Variants in GDA observed in about 807,000 individuals in gnomAD.
The protein encoded by GDA is guanine deaminase.
In GDA, 18 loss-of-function variants were observed where a neutral mutation model predicts 59.6. The observed-to-expected ratio is 0.30, with a 90% CI of 0.21 to 0.45. GDA has a LOEUF of 0.45. GDA is among the 20% of genes least tolerant of loss of function. GDA has a pLI of 1.00. For synonymous variants in GDA, 201 were observed against 201.1 expected (o/e 1.00, Z 0.00); for missense variants, 427 against 552.3 (o/e 0.77, Z 2.27).
rs557420841 is a variant in GDA at position 72,213,132 on chromosome 9, G to C, written c.473-754G>C. Among the ~76,000 whole-genome samples, 61 of 152,242 alleles carry C rather than the reference G, an allele frequency of 4.0e-4. 1 individual carries two copies. The highest frequency in any genetic ancestry group is 1.3e-3 in the African/African-American group (53 of 41,510). The stretch of plus-strand genomic sequence containing the variant: ...AAAATACAAAAATTAGCTGGGCACA[G>C]TGGTGCGTGCCTGTAATCCAAGCTA... On this transcript the variant is annotated intron_variant, in intron 4 of 13. Coordinates refer to ENST00000358399, the MANE Select transcript of GDA (RefSeq NM_004293.5).
chr9:72,210,561 A>G (rs540838984), intron 3 of GDA, 126 bp from the exon 4 acceptor site: 40 of 625,192 alleles, frequency 6.4e-5, no homozygotes, highest in Non-Finnish European at 5.7e-6. Context: ...TGTACTCTAC[A>G]TCAAGATGGC....
chr9:72,183,620 C>G (rs1254980315), intron 1 of GDA, among the ~76,000 whole-genome samples: 1 of 152,170 alleles, frequency 6.6e-6, no homozygotes, highest in Non-Finnish European at 1.5e-5. Flanking sequence ...GATTTATTAC[C>G]TGCCAGATGC....
rs76384055 is a variant in GDA, at chr9:72,168,807, G to A, written c.123+19125G>A. Reference sequence around the variant, plus strand: ...TATTCTTTATCTCTATTTTTCAGATGAGGAAACTGTGTCACCAACAGTTTG... The same window carrying A: ...TATTCTTTATCTCTATTTTTCAGATAAGGAAACTGTGTCACCAACAGTTTG... On this transcript the variant is annotated intron_variant, in intron 1 of 13. Transcript: ENST00000358399. 1.9e-3 allele frequency among the ~76,000 whole-genome samples: 289 copies of A among 152,302 alleles called. 2 individuals carry two copies. The highest frequency in any genetic ancestry group is 6.6e-3 in the African/African-American group (276 of 41,552).
intron 10 of GDA, among the ~76,000 whole-genome samples, chr9:72,238,622 G>A (rs149228515): frequency 1.3e-5 from 2 of 152,262 alleles, no homozygotes; most frequent in East Asian, 3.9e-4. Flanking sequence ...TCTTTCCATT[G>A]TCCTCTGGCT....
At chr9:72,122,777 T>A (rs376627148) in intron 1 of GDA, among the ~76,000 whole-genome samples, 10 of 152,116 alleles carry the variant, frequency 6.6e-5, no homozygotes, top group African/African-American at 1.7e-4. Flanking sequence ...GCCTCCCCCA[T>A]GTCTTCAAGA....
chr9:72,136,741 C>T (rs144761228), intron 1 of GDA, among the ~76,000 whole-genome samples: 2,827 of 152,130 alleles, frequency 0.019, 45 homozygotes, highest in Non-Finnish European at 0.03. Flanking sequence ...TTTGGTAGGC[C>T]GAGGTGGGCG....
downstream of GDA, chr9:72,253,587 C>A (rs1840813888): frequency 6.6e-6 from 1 of 152,134 alleles, no homozygotes; most frequent in Admixed American, 6.6e-5. Context: ...TCTGTCTCAC[C>A]AGACTCATGC....
intron 11 of GDA, among the ~76,000 whole-genome samples, chr9:72,243,865 G>A (rs561753852): frequency 6.6e-6 from 1 of 152,254 alleles, no homozygotes; most frequent in East Asian, 1.9e-4. Context: ...GTGATAGAAT[G>A]CAACAAATAC....
At position 72,189,657 on chromosome 9, in the gene GDA, G is replaced by A. The variant is rs188485423; in HGVS notation, c.124-5843G>A. ...GGAGTTCGATACCAGCCTGGGCAAC[G>A]TGGTGAAACCCCTTCTCTACCAAAA... On this transcript the variant is annotated intron_variant, in intron 1 of 13. Transcript: ENST00000358399. Among the ~76,000 whole-genome samples, 1,265 of 152,154 alleles carry A rather than the reference G, an allele frequency of 8.3e-3. 53 individuals carry two copies. The highest frequency in any genetic ancestry group is 0.067 in the Admixed American group (1,022 of 15,272).
chr9:72,223,243 C>T lies in GDA; in HGVS notation c.714+16C>T, dbSNP rs1256619044. 18 of 1,333,774 alleles carry T rather than the reference C, an allele frequency of 1.3e-5. No individual in the cohort carries two copies. The highest frequency in any genetic ancestry group is 1.9e-5 in the Non-Finnish European group (18 of 924,552). 82.6% of individuals were successfully genotyped at this position (1,333,774 alleles called of 1,614,324 possible). A position where few individuals can be genotyped will look rare whatever the true frequency, so the allele number is the denominator to read the frequency against. On this transcript the variant is annotated intron_variant, in intron 7 of 13. Transcript: ENST00000358399. ...GCACATTCAGGTGGGTATTCTTCTT[C>T]TCTTTATGCCTCTATGCAGACCTGC...
intron 8 of GDA, among the ~76,000 whole-genome samples, chr9:72,226,488 A>C (rs908224745): frequency 2.0e-4 from 31 of 152,182 alleles, no homozygotes; most frequent in Admixed American, 2.6e-4. Flanking sequence ...ATACTCTGAG[A>C]GTGCTTTTAA....
At chr9:72,181,455 A>C (rs946324685) in intron 1 of GDA, among the ~76,000 whole-genome samples, 1 of 151,830 alleles carries the variant, frequency 6.6e-6, no homozygotes, top group Non-Finnish European at 1.5e-5. Context: ...CTCCGGAGTA[A>C]CTGGGATTAC....
At chr9:72,196,456 TAGCCTGGGTGAAAG>T (rs1381443203) in intron 2 of GDA, among the ~76,000 whole-genome samples, 17 of 148,350 alleles carry the variant, frequency 1.1e-4, no homozygotes, top group African/African-American at 4.2e-4. Context: ...CACTTCACTC[TAGCCTGGGTGAAAG>T]AGCAAGACTC....
At chr9:72,137,189 AAAAT>A (rs1826256816) in intron 1 of GDA, among the ~76,000 whole-genome samples, 1 of 128,768 alleles carries the variant, frequency 7.8e-6, no homozygotes, top group Non-Finnish European at 1.6e-5. Context: ...TAAAAATTAA[AAAAT>A]AAATAAATAA....
intron 1 of GDA, among the ~76,000 whole-genome samples, chr9:72,116,763 C>T (rs1351599680): frequency 1.3e-5 from 2 of 151,728 alleles, no homozygotes; most frequent in African/African-American, 2.4e-5. Context: ...ATATTCATAT[C>T]GTTATTTATT....
intron 6 of GDA, among the ~76,000 whole-genome samples, chr9:72,222,833 A>T (rs1341176494): frequency 2.0e-5 from 3 of 151,770 alleles, no homozygotes; most frequent in Admixed American, 2.0e-4. Context: ...CAGCCTCCCG[A>T]GTAGCTGGGA....
chr9:72,149,695 G>C lies in GDA; in HGVS notation c.123+13G>C, dbSNP rs777787171. The stretch of plus-strand genomic sequence containing the variant: ...CGACAGCGGCAAAGTAAGCAGGCGC[G>C]GGGTCGAGCGCACTCCGACGGGCGG... On this transcript the variant is annotated intron_variant, in intron 1 of 13. Transcript: ENST00000358399. 2 of 1,592,692 alleles carry C rather than the reference G, an allele frequency of 1.3e-6. No homozygotes were observed. The highest frequency in any genetic ancestry group is 1.7e-6 in the Non-Finnish European group (2 of 1,171,298).
At chr9:72,125,234 C>T (rs1197732222) in intron 1 of GDA, among the ~76,000 whole-genome samples, 4 of 152,270 alleles carry the variant, frequency 2.6e-5, no homozygotes, top group East Asian at 3.9e-4. Context: ...GCTTCTGTTC[C>T]GTGGGCTTCT....
chr9:72,195,030 A>G (rs1055210997), intron 1 of GDA, among the ~76,000 whole-genome samples: 2 of 152,332 alleles, frequency 1.3e-5, no homozygotes, highest in East Asian at 3.9e-4. Context: ...TATGCAATTC[A>G]AGACTGGTTT....
Sources: gnomAD v4.1 joint callset for allele counts (sites outside exome capture counted in the v4.1 genomes callset) on GRCh38, gnomAD v4.1.1 for gene constraint, MANE v1.5 for transcripts, NCBI Gene and HGNC (gene_info 2026-07-23, HGNC 2026-07-21) for gene names.